Variants in SLC35F3 observed in about 807,000 individuals in gnomAD.
SLC35F3 encodes solute carrier family 35 member F3.
In SLC35F3, 25 loss-of-function variants were observed where a neutral mutation model predicts 49.9. The ratio of observed to expected loss-of-function variants is 0.50; its 90% CI spans 0.37 to 0.70. The LOEUF is 0.70. Ranked by LOEUF, SLC35F3 falls within the 30% of genes least tolerant of loss-of-function variation. SLC35F3 has a pLI of 0.00. For missense variants in SLC35F3, 525 were observed against 639.8 expected, an observed-to-expected ratio of 0.82 and a Z score of 1.94; for synonymous variants, 275 against 265.4, an observed-to-expected ratio of 1.04 and a Z score of -0.35.
chr1:234,125,097 GTGGC>G (rs1048126853), intron 2 of SLC35F3, among the ~76,000 whole-genome samples: 11 of 151,740 alleles, frequency 7.2e-5, no homozygotes, highest in Non-Finnish European at 1.2e-4. Context: ...ATAATCCAGT[GTGGC>G]TCCTTTGTGT....
intron 3 of SLC35F3, among the ~76,000 whole-genome samples, chr1:234,302,685 A>G (rs1376648461): frequency 6.6e-6 from 1 of 152,154 alleles, no homozygotes; most frequent in Admixed American, 6.5e-5. Context: ...TGGCTCCGCT[A>G]CTAACATCTG....
chr1:234,007,544 G>A (rs1226714383), intron 2 of SLC35F3, among the ~76,000 whole-genome samples: 1 of 152,198 alleles, frequency 6.6e-6, no homozygotes, highest in African/African-American at 2.4e-5. Context: ...CTTTTATGCC[G>A]AACGAAGTGG....
intron 3 of SLC35F3, among the ~76,000 whole-genome samples, chr1:234,278,995 C>G (rs981029903): frequency 7.4e-6 from 1 of 134,508 alleles, no homozygotes; most frequent in African/African-American, 3.0e-5. Context: ...AGGATGTGCG[C>G]TCCTGACAGC....
At chr1:234,321,022 G>A (rs1453766602) in intron 7 of SLC35F3, among the ~76,000 whole-genome samples, 1 of 134,858 alleles carries the variant, frequency 7.4e-6, no homozygotes, top group Non-Finnish European at 1.5e-5. Context: ...GCCACTTCCA[G>A]GCCATTAAAA....
At chr1:234,250,716 T>C (rs1259541960) in intron 3 of SLC35F3, among the ~76,000 whole-genome samples, 1 of 150,282 alleles carries the variant, frequency 6.7e-6, no homozygotes. Context: ...ACAAGAAGCA[T>C]GGTGCCAGCG....
At chr1:234,177,835 A>G (rs1171177091) in intron 2 of SLC35F3, among the ~76,000 whole-genome samples, 1 of 152,216 alleles carries the variant, frequency 6.6e-6, no homozygotes, top group Non-Finnish European at 1.5e-5. Context: ...ACAAGCTGAC[A>G]TCAAAACAAT....
chr1:234,168,646 C>G (rs1490527442), intron 2 of SLC35F3, among the ~76,000 whole-genome samples: 1 of 152,220 alleles, frequency 6.6e-6, no homozygotes, highest in Non-Finnish European at 1.5e-5. Flanking sequence ...CTGCTGAGTG[C>G]CTGCCAGGAA....
At chr1:234,155,076 T>C (rs1238463769) in intron 2 of SLC35F3, among the ~76,000 whole-genome samples, 2 of 152,218 alleles carry the variant, frequency 1.3e-5, no homozygotes, top group Non-Finnish European at 2.9e-5. Context: ...GTAAATGCTA[T>C]GTTAATAGTT....
At chr1:234,022,805 A>G (rs1262869055) in intron 2 of SLC35F3, among the ~76,000 whole-genome samples, 2 of 152,216 alleles carry the variant, frequency 1.3e-5, no homozygotes, top group Non-Finnish European at 2.9e-5. Flanking sequence ...CACGTTGGCT[A>G]TTCTTATTAA....
intron 2 of SLC35F3, among the ~76,000 whole-genome samples, chr1:234,186,009 GT>G (rs1666638506): frequency 2.6e-5 from 4 of 152,280 alleles, no homozygotes; most frequent in Admixed American, 2.6e-4. Context: ...TGAGTGCCGC[GT>G]AGACAGTTTG....
At chr1:234,180,584 G>A (rs922284078) in intron 2 of SLC35F3, among the ~76,000 whole-genome samples, 4 of 152,194 alleles carry the variant, frequency 2.6e-5, no homozygotes, top group African/African-American at 9.7e-5. Flanking sequence ...GCTAAATTTA[G>A]AATTGTCAGG....
In SLC35F3 at chr1:234,146,801, A is replaced by C. The variant is rs562998783; in HGVS notation, c.284-84616A>C. ...AGTGCTGGGATTACAGGCATGAGCCACCGTGCCCGGCCTCATCTTTCTTTC... is the reference window on the plus strand; with the variant it reads ...AGTGCTGGGATTACAGGCATGAGCCCCCGTGCCCGGCCTCATCTTTCTTTC... On this transcript the variant is annotated intron_variant, in intron 2 of 7. Transcript: ENST00000366618. Among the ~76,000 whole-genome samples the C allele has an allele frequency of 4.2e-4, 64 of 152,244 alleles. 1 individual carries two copies. Among genetic ancestry groups the C allele is most frequent in the Admixed American group, 9.2e-4 (14 of 15,294 alleles).
chr1:234,277,103 G>A (rs1208153189), intron 3 of SLC35F3, among the ~76,000 whole-genome samples: 2 of 152,224 alleles, frequency 1.3e-5, no homozygotes, highest in Non-Finnish European at 2.9e-5. Context: ...CAGGGATGAT[G>A]GTGCCCTTCT....
At chr1:234,283,974 T>G (rs977022009) in intron 3 of SLC35F3, among the ~76,000 whole-genome samples, 1 of 152,184 alleles carries the variant, frequency 6.6e-6, no homozygotes, top group Non-Finnish European at 1.5e-5. Context: ...TGTGCAATCA[T>G]AGCTCATTGC....
intron 2 of SLC35F3, among the ~76,000 whole-genome samples, chr1:233,948,244 A>G (rs867064820): frequency 1.3e-5 from 2 of 150,090 alleles, no homozygotes; most frequent in South Asian, 4.3e-4. Flanking sequence ...AGAGAGAGAG[A>G]GAGAGAGAGA....
chr1:234,309,015 T>TAAGA, intron 3 of SLC35F3, 86 bp from the exon 4 acceptor site: 1 of 951,494 alleles, frequency 1.1e-6, no homozygotes, highest in Admixed American at 2.8e-5. Context: ...TATATTTGCT[T>TAAGA]AAAAAAAAAA....
At chr1:233,917,166 G>A (rs1366166277) in intron 2 of SLC35F3, among the ~76,000 whole-genome samples, 1 of 152,114 alleles carries the variant, frequency 6.6e-6, no homozygotes, top group Non-Finnish European at 1.5e-5. Context: ...TCTTTGTCTT[G>A]GAGCCCTCTC....
intron 3 of SLC35F3, among the ~76,000 whole-genome samples, chr1:234,279,597 A>G (rs1668269862): frequency 6.6e-6 from 1 of 152,138 alleles, no homozygotes. Context: ...ACCTTCACAG[A>G]TGGTGGGAAG....
intron 2 of SLC35F3, among the ~76,000 whole-genome samples, chr1:234,218,956 G>C (rs1217695998): frequency 6.8e-6 from 1 of 147,482 alleles, no homozygotes; most frequent in African/African-American, 2.5e-5. Flanking sequence ...GGCTGAGGCA[G>C]GAGAATCACT....
Sources: gnomAD v4.1 joint callset for allele counts (sites outside exome capture counted in the v4.1 genomes callset) on GRCh38, gnomAD v4.1.1 for gene constraint, MANE v1.5 for transcripts, NCBI Gene and HGNC (gene_info 2026-07-23, HGNC 2026-07-21) for gene names.